NYAP2: variants seen among roughly 807,000 people sequenced by gnomAD.
The protein encoded by NYAP2 is neuronal tyrosine-phosphorylated phosphoinositide-3-kinase adapter 2.
NYAP2 carries 23 observed loss-of-function variants against 50.4 expected under a neutral mutation model. The observed-to-expected ratio is 0.46, with a 90% CI of 0.33 to 0.65. The LOEUF is 0.65. NYAP2 is among the 30% of genes least tolerant of loss of function. The pLI is 0.02. For synonymous variants in NYAP2, 394 were observed against 365.2 expected (o/e 1.08, Z -0.90); for missense variants, 885 against 861.0 (o/e 1.03, Z -0.35).
intron 6 of NYAP2, among the ~76,000 whole-genome samples, chr2:225,635,834 T>C (rs1486800319): frequency 6.6e-6 from 1 of 152,222 alleles, no homozygotes; most frequent in East Asian, 1.9e-4. Context: ...TCTCTCACAA[T>C]GCTTCTGTTC....
intron 3 of NYAP2, among the ~76,000 whole-genome samples, chr2:225,447,721 C>T (rs1298872593): frequency 6.6e-6 from 1 of 152,068 alleles, no homozygotes; most frequent in Non-Finnish European, 1.5e-5. Context: ...ACTCAAAGCA[C>T]TAAAACTAGA....
chr2:225,525,211 T>G (rs546678965), intron 4 of NYAP2, among the ~76,000 whole-genome samples: 5 of 152,346 alleles, frequency 3.3e-5, no homozygotes, highest in African/African-American at 9.6e-5. Context: ...TGCCGTTTGA[T>G]GCTGCAATCT....
intron 3 of NYAP2, among the ~76,000 whole-genome samples, chr2:225,509,017 G>A (rs1261548712): frequency 1.3e-5 from 2 of 152,166 alleles, no homozygotes; most frequent in African/African-American, 4.8e-5. Context: ...AAACTTGGAA[G>A]GGTGCAGTTA....
chr2:225,549,679 A>G (rs1691638979), intron 4 of NYAP2, among the ~76,000 whole-genome samples: 1 of 152,156 alleles, frequency 6.6e-6, no homozygotes, highest in African/African-American at 2.4e-5. Flanking sequence ...AATGCAGTAG[A>G]TGAGAGGGTC....
At chr2:225,523,425 G>GTA (rs1235031359) in intron 4 of NYAP2, among the ~76,000 whole-genome samples, 1 of 151,480 alleles carries the variant, frequency 6.6e-6, no homozygotes, top group African/African-American at 2.4e-5. Context: ...AATTTTATAT[G>GTA]TATATATATC....
At chr2:225,658,646 C>A (rs186268360), downstream of NYAP2, among the ~76,000 whole-genome samples, 11 of 152,036 alleles carry the variant, frequency 7.2e-5, no homozygotes, top group South Asian at 2.1e-4. Flanking sequence ...TTTATATGGT[C>A]CTGTCAAATT....
At chr2:225,528,658 C>T (rs1245682611) in intron 4 of NYAP2, among the ~76,000 whole-genome samples, 2 of 152,218 alleles carry the variant, frequency 1.3e-5, no homozygotes, top group African/African-American at 4.8e-5. Context: ...AGCATGGGAA[C>T]TGGTCCCCTA....
intron 5 of NYAP2, among the ~76,000 whole-genome samples, chr2:225,624,839 C>CGTAA (rs1211446416): frequency 6.6e-6 from 1 of 151,294 alleles, no homozygotes; most frequent in African/African-American, 2.4e-5. Context: ...TTGTTTTGTA[C>CGTAA]GTAAGAAAAA....
At chr2:225,562,271 C>T (rs1375738771) in intron 4 of NYAP2, among the ~76,000 whole-genome samples, 1 of 152,062 alleles carries the variant, frequency 6.6e-6, no homozygotes, top group East Asian at 1.9e-4. Context: ...ACAATTCTTC[C>T]CATTGGAATC....
At chr2:225,538,821 T>A (rs1691403080) in intron 4 of NYAP2, among the ~76,000 whole-genome samples, 3 of 86,872 alleles carry the variant, frequency 3.5e-5, no homozygotes, top group African/African-American at 1.0e-4. Flanking sequence ...TTTCTTTCTT[T>A]CTTTCTTTCT....
chr2:225,527,584 A>G (rs1482778942), intron 4 of NYAP2, among the ~76,000 whole-genome samples: 1 of 152,118 alleles, frequency 6.6e-6, no homozygotes, highest in African/African-American at 2.4e-5. Flanking sequence ...CTTTCAGGTA[A>G]AGCCTGGACC....
intron 4 of NYAP2, among the ~76,000 whole-genome samples, chr2:225,579,872 A>G (rs1692240912): frequency 6.6e-6 from 1 of 152,238 alleles, no homozygotes; most frequent in South Asian, 2.1e-4. Flanking sequence ...ATGAAAGCAA[A>G]TTATAATTTA....
chr2:225,634,516 G>A (rs959220259), intron 6 of NYAP2, among the ~76,000 whole-genome samples: 1 of 151,796 alleles, frequency 6.6e-6, no homozygotes, highest in African/African-American at 2.4e-5. Flanking sequence ...CACAAGTTCA[G>A]AAAAGTGAAA....
chr2:225,553,795 G>T (rs1691724038), intron 4 of NYAP2, among the ~76,000 whole-genome samples: 1 of 152,150 alleles, frequency 6.6e-6, no homozygotes, highest in Admixed American at 6.5e-5. Flanking sequence ...CCAGCATTTT[G>T]GGAGGCTGAG....
At chr2:225,423,944 T>C (rs886571919) in intron 3 of NYAP2, among the ~76,000 whole-genome samples, 1 of 152,182 alleles carries the variant, frequency 6.6e-6, no homozygotes, top group African/African-American at 2.4e-5. Context: ...AAATATATGA[T>C]CTTTTTATGA....
At chr2:225,420,397 C>T (rs1330618918) in intron 3 of NYAP2, among the ~76,000 whole-genome samples, 1 of 152,100 alleles carries the variant, frequency 6.6e-6, no homozygotes, top group Non-Finnish European at 1.5e-5. Context: ...TTTATGTCTA[C>T]AAGAACTAAA....
chr2:225,666,535 C>T, the NYAP2 span, among the ~76,000 whole-genome samples: 3 of 151,962 alleles, frequency 2.0e-5, no homozygotes, highest in African/African-American at 4.8e-5. Flanking sequence ...AAAGCTTGGG[C>T]GGGGTTGGGG....
At chr2:225,613,694 T>C (rs1301328768) in intron 5 of NYAP2, among the ~76,000 whole-genome samples, 2 of 152,194 alleles carry the variant, frequency 1.3e-5, no homozygotes, top group African/African-American at 4.8e-5. Flanking sequence ...ACTGCATTCC[T>C]GACTTTCCAA....
chr2:225,599,666 CCAGTAAAACTGATGGAAGAAGGTAT>C (rs1293731155), intron 5 of NYAP2, among the ~76,000 whole-genome samples: 2 of 152,116 alleles, frequency 1.3e-5, no homozygotes, highest in Non-Finnish European at 2.9e-5. Context: ...TGGGGCTAAG[CCAGTAAAACTGATGGAAGAAGGTAT>C]CAGTAAAACT....
Sources: allele counts gnomAD v4.1 joint callset (sites outside exome capture counted in the v4.1 genomes callset), GRCh38; gene constraint gnomAD v4.1.1; transcripts MANE v1.5; gene names NCBI Gene and HGNC (gene_info 2026-07-23, HGNC 2026-07-21).